Variants in GPAT3 observed in about 807,000 individuals in gnomAD.
GPAT3 encodes the protein glycerol-3-phosphate acyltransferase 3.
GPAT3 carries 53 observed loss-of-function variants against 58.8 expected under a neutral mutation model. The observed-to-expected ratio is 0.90, with a 90% CI of 0.72 to 1.13. The LOEUF is 1.13. Ranked by LOEUF, GPAT3 falls within the 50% of genes most tolerant of loss-of-function variation. The probability of loss-of-function intolerance (pLI) is 0.00; values close to 1 mark genes in which losing one functional copy is unlikely to be tolerated. For synonymous variants in GPAT3, 197 were observed against 187.4 expected (o/e 1.05, Z -0.42); for missense variants, 511 against 527.6 (o/e 0.97, Z 0.31).
In GPAT3 at chr4:83,562,236, A is replaced by T. The variant is rs1288331742; in HGVS notation, c.208+17634A>T. ...TTATATATATATATAATATATATAT[A>T]ATATATATATATAAAATATAGTTTG... On this transcript the variant is annotated intron_variant, in intron 2 of 11. Coordinates refer to ENST00000264409, the MANE Select transcript of GPAT3 (RefSeq NM_032717.5). Among the ~76,000 whole-genome samples the T allele has an allele frequency of 8.9e-4, 66 of 74,118 alleles. 1 individual carries two copies. In the South Asian group the frequency reaches 0.025, roughly 28 times the overall value. 48.6% of individuals were successfully genotyped at this position (74,118 alleles called of 152,430 possible). A position where few individuals can be genotyped will look rare whatever the true frequency, so the allele number is the denominator to read the frequency against.
chr4:83,563,279 A>G (rs1336005996), intron 2 of GPAT3, among the ~76,000 whole-genome samples: 3 of 152,308 alleles, frequency 2.0e-5, no homozygotes, highest in East Asian at 1.9e-4. Context: ...AATTTTTTGC[A>G]TAAGTAATAA....
intron 2 of GPAT3, among the ~76,000 whole-genome samples, chr4:83,566,419 T>TTTTTTATTATTATTATTA (rs1553945448): frequency 1.4e-5 from 2 of 143,594 alleles, no homozygotes; most frequent in African/African-American, 5.2e-5. Flanking sequence ...AATTAATTAA[T>TTTTTTATTATTATTATTA]TTATTATTAT....
intron 5 of GPAT3, 84 bp from the exon 6 acceptor site, chr4:83,590,115 C>A: frequency 7.9e-7 from 1 of 1,271,412 alleles, no homozygotes. Flanking sequence ...TATACACACA[C>A]ACACACTTAA....
At position 83,581,786 on chromosome 4, in the gene GPAT3, T is replaced by C. The variant is rs773340172; in HGVS notation, c.433T>C (p.Trp145Arg). The stretch of plus-strand genomic sequence containing the variant: ...CATCAGTCTGCGGCTCACTATGGTG[T>C]GGGTGCTGGGCGTCATAGTGCGCTA... ...QYISLRLTMVWVLGVIVRYCV... is the reference protein window; with the variant it reads ...QYISLRLTMVRVLGVIVRYCV... The change falls in exon 3 of 12, where the codon TGG becomes CGG. Residue 145 changes from tryptophan to arginine, a missense_variant. Transcript: ENST00000264409. 31 of 1,614,024 alleles carry C rather than the reference T, an allele frequency of 1.9e-5. 1 individual carries two copies. The South Asian group carries it at 2.9e-4, about 15-fold the overall frequency.
At chr4:83,547,446 G>A (rs1724579275) in intron 2 of GPAT3, among the ~76,000 whole-genome samples, 1 of 151,566 alleles carries the variant, frequency 6.6e-6, no homozygotes, top group South Asian at 2.1e-4. Context: ...TAGAGACGGG[G>A]TTTCACCGTG....
chr4:83,583,316 G>GAA (rs1432695189), intron 3 of GPAT3, among the ~76,000 whole-genome samples: 46 of 150,990 alleles, frequency 3.0e-4, no homozygotes, highest in Admixed American at 9.2e-4. Context: ...AAGAAAGAAA[G>GAA]AAAAAAAGCT....
Position 83,536,309 on chromosome 4 carries a change from G to A in GPAT3, c.-314G>A. ...TCGCGCGCTCTGCCCGCGCCGCGGT[G>A]TGCCTCCGCTTACCCGCAGCTCCGA... On this transcript the variant is annotated 5_prime_UTR_variant, in exon 1 of 12. In the 5' UTR this introduces an upstream ATG that the reference lacks. Coordinates refer to ENST00000264409, the MANE Select transcript of GPAT3 (RefSeq NM_032717.5). 9.2e-7 allele frequency: 1 copy of A among 1,089,300 alleles called. No individual in the cohort carries two copies. The highest frequency in any genetic ancestry group is 1.1e-6 in the Non-Finnish European group (1 of 897,078). The allele number at this position is 1,089,300 out of a possible 1,614,324, so 67.5% of individuals were successfully genotyped here.
chr4:83,546,125 C>A (rs1290126803), intron 2 of GPAT3, among the ~76,000 whole-genome samples: 1 of 152,134 alleles, frequency 6.6e-6, no homozygotes, highest in Non-Finnish European at 1.5e-5. Flanking sequence ...GCTGGGACTA[C>A]AGGCGTGCGC....
intron 2 of GPAT3, among the ~76,000 whole-genome samples, chr4:83,562,329 G>A (rs1725206729): frequency 6.7e-6 from 1 of 149,428 alleles, no homozygotes; most frequent in Admixed American, 6.8e-5. Context: ...GCAGGTTTAC[G>A]TCAAATCCTA....
intron 1 of GPAT3, among the ~76,000 whole-genome samples, chr4:83,541,345 G>GT (rs1441385711): frequency 6.6e-6 from 1 of 150,820 alleles, no homozygotes; most frequent in Non-Finnish European, 1.5e-5. Flanking sequence ...ATCCTCCTGA[G>GT]TGGCTGGGCC....
intron 2 of GPAT3, among the ~76,000 whole-genome samples, chr4:83,547,877 G>A (rs1724604684): frequency 6.8e-6 from 1 of 147,062 alleles, no homozygotes; most frequent in Admixed American, 6.8e-5. Context: ...TTTTGAGATG[G>A]GGTCTGGCTG....
intron 2 of GPAT3, among the ~76,000 whole-genome samples, chr4:83,562,226 A>ATATATATATAT (rs1725195137): frequency 1.6e-5 from 1 of 62,504 alleles, no homozygotes; most frequent in African/African-American, 6.5e-5. Context: ...TATATATATA[A>ATATATATATAT]TATATATATA....
chr4:83,574,762 A>C (rs962637497), intron 2 of GPAT3, among the ~76,000 whole-genome samples: 2 of 147,890 alleles, frequency 1.4e-5, no homozygotes, highest in Non-Finnish European at 1.5e-5. Context: ...GATTGCTTTA[A>C]TGATAACAAA....
intron 1 of GPAT3, among the ~76,000 whole-genome samples, chr4:83,537,843 C>A (rs1724163020): frequency 6.6e-6 from 1 of 151,976 alleles, no homozygotes; most frequent in South Asian, 2.1e-4. Context: ...GATTTGGTAC[C>A]AAAATTGTAG....
intron 11 of GPAT3, among the ~76,000 whole-genome samples, chr4:83,603,183 G>A (rs1208476727): frequency 1.3e-5 from 2 of 152,188 alleles, no homozygotes; most frequent in East Asian, 3.9e-4. Context: ...CTCAGCCCAT[G>A]CTCTCCTAGC....
Position 83,602,122 on chromosome 4 carries a change from G to T in GPAT3, c.1206-2546G>T, listed in dbSNP as rs374310618. On this transcript the variant is annotated intron_variant, in intron 11 of 11. Transcript: ENST00000264409. ...TAACCCATGGTCATACGTGCAACTG[G>T]GTTCCTTTTCCTTATTTAAAACTCT... 8.5e-5 allele frequency among the ~76,000 whole-genome samples: 13 copies of T among 152,222 alleles called. No homozygotes were observed. In the East Asian group the frequency reaches 1.7e-3, roughly 20 times the overall value.
intron 1 of GPAT3, among the ~76,000 whole-genome samples, chr4:83,541,411 T>TTC: frequency 6.6e-6 from 1 of 150,730 alleles, no homozygotes; most frequent in Non-Finnish European, 1.5e-5. Context: ...TTTTTTTTTT[T>TTC]TTGTAGAGAC....
At chr4:83,576,412 TTTTATTTA>T (rs35514780) in intron 2 of GPAT3, among the ~76,000 whole-genome samples, 1,739 of 142,674 alleles carry the variant, frequency 0.012, 13 homozygotes, top group African/African-American at 0.017. Flanking sequence ...GAAAATATCA[TTTTATTTA>T]TTTATTTATT....
At chr4:83,563,129 T>G (rs1167331645) in intron 2 of GPAT3, among the ~76,000 whole-genome samples, 1 of 152,360 alleles carries the variant, frequency 6.6e-6, no homozygotes, top group East Asian at 1.9e-4. Context: ...TTTACAATTC[T>G]GAGGACATGC....
Sources: allele counts gnomAD v4.1 joint callset (sites outside exome capture counted in the v4.1 genomes callset), GRCh38; gene constraint gnomAD v4.1.1; transcripts MANE v1.5; gene names NCBI Gene and HGNC (gene_info 2026-07-23, HGNC 2026-07-21).